The following TTC6 variants were observed in gnomAD, a reference collection of about 807,000 sequenced individuals.
The protein encoded by TTC6 is tetratricopeptide repeat protein 6.
In TTC6, 172 loss-of-function variants were observed where a neutral mutation model predicts 210.4. The observed-to-expected ratio is 0.82, with a 90% confidence interval of 0.72 to 0.93. The LOEUF is 0.93. Among genes scored for constraint, TTC6 ranks in the 40% least tolerant of loss-of-function variants. The pLI is 0.00. For missense variants in TTC6, 2,414 were observed against 2,318.1 expected, an observed-to-expected ratio of 1.04 and a Z score of -0.85; for synonymous variants, 804 against 819.6, an observed-to-expected ratio of 0.98 and a Z score of 0.32.
At chr14:37,731,165 C>A (rs556976067) in intron 7 of TTC6, among the ~76,000 whole-genome samples, 17 of 152,248 alleles carry the variant, frequency 1.1e-4, no homozygotes, top group African/African-American at 3.9e-4. Context: ...ATCAGCTGAT[C>A]AATACGTAAC....
intron 10 of TTC6, among the ~76,000 whole-genome samples, chr14:37,746,491 C>A (rs954266251): frequency 6.6e-6 from 1 of 152,180 alleles, no homozygotes; most frequent in Non-Finnish European, 1.5e-5. Flanking sequence ...AAATAAGAGA[C>A]CCTGAGGGTG....
At chr14:37,634,087 A>G (rs1239990203) in intron 1 of TTC6, among the ~76,000 whole-genome samples, 1 of 152,236 alleles carries the variant, frequency 6.6e-6, no homozygotes, top group Non-Finnish European at 1.5e-5. Flanking sequence ...AGATCCAGAA[A>G]CATCTCAATT....
intron 1 of TTC6, among the ~76,000 whole-genome samples, chr14:37,600,047 C>G (rs930476373): frequency 2.0e-5 from 3 of 152,310 alleles, no homozygotes; most frequent in Non-Finnish European, 1.5e-5. Context: ...CTTTCCCGCT[C>G]TACTTTAAAA....
chr14:37,787,634 T>C (rs1437351452), exon 15 of TTC6: 2 of 1,451,706 alleles, frequency 1.4e-6, no homozygotes, highest in East Asian at 5.0e-5. Flanking sequence ...TTATAGTGTT[T>C]CAGGTACTTT....
exon 10 of TTC6, chr14:37,738,779 G>C: frequency 2.0e-6 from 3 of 1,475,510 alleles, no homozygotes; most frequent in Admixed American, 2.6e-5. Context: ...TACTAAGCGA[G>C]TAAAATCTTC....
intron 8 of TTC6, 75 bp from the exon 11 acceptor site, chr14:37,737,585 G>T (rs923943753): frequency 3.8e-6 from 3 of 781,270 alleles, no homozygotes; most frequent in Non-Finnish European, 5.9e-6. Flanking sequence ...ACAGTTATTA[G>T]CCAAGTATTA....
intron 14 of TTC6, among the ~76,000 whole-genome samples, chr14:37,782,156 C>A (rs1409976493): frequency 6.6e-6 from 1 of 151,946 alleles, no homozygotes; most frequent in Non-Finnish European, 1.5e-5. Flanking sequence ...TTTTTTAGTT[C>A]TTTGAAGAAA....
chr14:37,746,434 G>A (rs1317817574), intron 10 of TTC6, among the ~76,000 whole-genome samples: 1 of 152,086 alleles, frequency 6.6e-6, no homozygotes, highest in African/African-American at 2.4e-5. Flanking sequence ...GTGTTACCTG[G>A]GAACTTGTTA....
At chr14:37,648,808 C>A (rs1385801101) in intron 1 of TTC6, among the ~76,000 whole-genome samples, 3 of 152,060 alleles carry the variant, frequency 2.0e-5, no homozygotes, top group Admixed American at 1.3e-4. Context: ...GATAGTTATT[C>A]TTTTTATTCA....
chr14:37,660,381 C>G (rs760253036), intron 1 of TTC6, among the ~76,000 whole-genome samples: 1 of 152,140 alleles, frequency 6.6e-6, no homozygotes. Context: ...TGCTCTCCCC[C>G]ACACCTCACC....
At chr14:37,633,123 G>T (rs567952364) in intron 1 of TTC6, among the ~76,000 whole-genome samples, 1 of 152,262 alleles carries the variant, frequency 6.6e-6, no homozygotes, top group South Asian at 2.1e-4. Context: ...CCTTTCTAGG[G>T]GAGTGAACTG....
At position 37,624,916 on chromosome 14, in the gene TTC6, C is replaced by G. The variant is rs542282185; in HGVS notation, c.939+1913C>G. On this transcript the variant is annotated intron_variant, in intron 1 of 30. Transcript: ENST00000553443. Reference sequence around the variant, plus strand: ...GATTACAGGCTTGAGCCACTGCGCCCGGCCCCACTTGTGTATTCTTTTTAT... The same window carrying G: ...GATTACAGGCTTGAGCCACTGCGCCGGGCCCCACTTGTGTATTCTTTTTAT... 7.9e-5 allele frequency among the ~76,000 whole-genome samples: 12 copies of G among 152,188 alleles called. No individual in the cohort carries two copies. The East Asian group carries it at 2.3e-3, about 30-fold the overall frequency.
At chr14:37,803,748 T>C (rs1316379722) in intron 20 of TTC6, among the ~76,000 whole-genome samples, 2 of 152,056 alleles carry the variant, frequency 1.3e-5, no homozygotes, top group African/African-American at 2.4e-5. Context: ...AATGAAGATA[T>C]AGATTCATCG....
At position 37,625,112 on chromosome 14, in the gene TTC6, C is replaced by A. The variant is rs376020144; in HGVS notation, c.939+2109C>A. 7.9e-5 allele frequency among the ~76,000 whole-genome samples: 12 copies of A among 152,176 alleles called. 1 individual carries two copies. Among genetic ancestry groups the A allele is most frequent in the African/African-American group, 2.9e-4 (12 of 41,510 alleles). On this transcript the variant is annotated intron_variant, in intron 1 of 30. Coordinates refer to ENST00000553443, the Ensembl canonical transcript of TTC6. ...GTTCTTGGCTTTTAAAATTTTGACACCCCCACCCCACAACAATTCCAGAAG... is the reference window on the plus strand; with the variant it reads ...GTTCTTGGCTTTTAAAATTTTGACAACCCCACCCCACAACAATTCCAGAAG...
At chr14:37,838,805 T>C (rs1448948257) in intron 29 of TTC6, among the ~76,000 whole-genome samples, 1 of 152,066 alleles carries the variant, frequency 6.6e-6, no homozygotes, top group Non-Finnish European at 1.5e-5. Context: ...TACATATCCC[T>C]CCCCCACCCA....
chr14:37,775,285 C>T (rs1187127680), intron 14 of TTC6, among the ~76,000 whole-genome samples: 2 of 152,068 alleles, frequency 1.3e-5, no homozygotes, highest in African/African-American at 4.8e-5. Flanking sequence ...GGTTGGTTTG[C>T]TCTTGATTGT....
intron 7 of TTC6, among the ~76,000 whole-genome samples, 171 bp from the exon 10 acceptor site, chr14:37,735,750 A>G (rs879908468): frequency 7.2e-5 from 11 of 152,194 alleles, no homozygotes; most frequent in Non-Finnish European, 1.6e-4. Context: ...TACTAAGGCT[A>G]TAGCTGGACT....
At chr14:37,596,496 CT>C in intron 1 of TTC6, among the ~76,000 whole-genome samples, 1 of 152,358 alleles carries the variant, frequency 6.6e-6, no homozygotes, top group African/African-American at 2.4e-5. Context: ...TCTCTTTACT[CT>C]CATGAGGCCC....
chr14:37,629,914 G>C (rs556075954), intron 1 of TTC6, among the ~76,000 whole-genome samples: 1 of 152,152 alleles, frequency 6.6e-6, no homozygotes, highest in Non-Finnish European at 1.5e-5. Context: ...TATGTTTATT[G>C]ATTTGAGTAT....
Sources: allele counts gnomAD v4.1 joint callset (sites outside exome capture counted in the v4.1 genomes callset), GRCh38; gene constraint gnomAD v4.1.1; transcripts MANE v1.5; gene names NCBI Gene and HGNC (gene_info 2026-07-23, HGNC 2026-07-21).